Variants in METTL6 observed in about 807,000 individuals in gnomAD.
METTL6 encodes methyltransferase 6, tRNA N3-cytidine, also known as tRNA N(3)-cytidine methyltransferase METTL6.
In METTL6, 22 loss-of-function variants were observed where a neutral mutation model predicts 26.4. The observed-to-expected ratio is 0.83, with a 90% CI of 0.59 to 1.19. The LOEUF is 1.19. Among genes scored for constraint, METTL6 ranks in the 50% most tolerant of loss-of-function variants. The pLI is 0.00. For synonymous variants in METTL6, 109 were observed against 116.2 expected, an observed-to-expected ratio of 0.94 and a Z score of 0.40; for missense variants, 304 against 324.8, an observed-to-expected ratio of 0.94 and a Z score of 0.49.
In METTL6 at chr3:15,414,704, A is replaced by C. The variant is rs139387987; in HGVS notation, c.532-542T>G. 7.8e-3 allele frequency: 2,707 copies of C among 347,138 alleles called. 20 individuals carry two copies. Among genetic ancestry groups the C allele is most frequent in the Admixed American group, 0.012 (337 of 28,548 alleles). The allele number at this position is 347,138 out of a possible 1,614,324, so 21.5% of individuals were successfully genotyped here. A position where few individuals can be genotyped will look rare whatever the true frequency, so the allele number is the denominator to read the frequency against. On this transcript the variant is annotated intron_variant, in intron 4 of 5. Transcript: ENST00000383790. ...AGAGCACCCTGGAATGTCCAGTGTC[A>C]CAGGATTAAAATGTTAGAGACCAAC...
At chr3:15,384,201 A>G in intron 6 of METTL6, 1 of 367,044 alleles carries the variant, frequency 2.7e-6, no homozygotes, top group Non-Finnish European at 5.2e-6. Flanking sequence ...AAAAAGAAAC[A>G]AAAAAGAGAT....
At chr3:15,424,874 G>C in intron 3 of METTL6, 81 bp downstream of exon 3, 1 of 1,587,522 alleles carries the variant, frequency 6.3e-7, no homozygotes, top group South Asian at 1.1e-5. Flanking sequence ...ACTAGAATTG[G>C]GCAAATGAAT....
Position 15,415,726 on chromosome 3 carries a change from G to T in METTL6, c.531+46C>A, listed in dbSNP as rs375838239. 1.9e-5 allele frequency: 30 copies of T among 1,601,538 alleles called. No homozygotes were observed. In the African/African-American group the frequency reaches 3.9e-4, roughly 21 times the overall value. On this transcript the variant is annotated intron_variant, in intron 4 of 5. Coordinates refer to ENST00000383790, the MANE Select transcript of METTL6 (RefSeq NM_152396.4). Reference sequence around the variant, plus strand: ...GCCTCATGAGGGAAGGTAAGTAAAAGAATCCAGACTGTCCAACCCTCAAGT... The same window carrying T: ...GCCTCATGAGGGAAGGTAAGTAAAATAATCCAGACTGTCCAACCCTCAAGT...
intron 4 of METTL6, chr3:15,414,845 C>T: frequency 1.9e-6 from 1 of 537,296 alleles, no homozygotes; most frequent in Admixed American, 2.4e-5. Flanking sequence ...CTGCTTGAGC[C>T]CAGGAAGTTG....
intron 6 of METTL6, among the ~76,000 whole-genome samples, chr3:15,390,019 GA>G (rs1207625337): frequency 5.5e-5 from 8 of 146,414 alleles, no homozygotes; most frequent in South Asian, 2.2e-4. Flanking sequence ...CATCTCAAGG[GA>G]AAAAAAAAAG....
chr3:15,387,686 T>C (rs908608085), intron 6 of METTL6, among the ~76,000 whole-genome samples: 1 of 152,252 alleles, frequency 6.6e-6, no homozygotes, highest in East Asian at 1.9e-4. Flanking sequence ...TTATATAGCC[T>C]TATTTGAGAG....
Position 15,411,446 on chromosome 3 carries a change from C to G in METTL6, c.674-9G>C. 6.2e-7 allele frequency: 1 copy of G among 1,611,684 alleles called. No homozygotes were observed. Among genetic ancestry groups the G allele is most frequent in the Non-Finnish European group, 8.5e-7 (1 of 1,179,016 alleles). ...GAGCTGAGCCAGGAAGTCTGTAAGA[C>G]AAGCATCAACAATGCTCAACAGTCT... On this transcript the variant is annotated splice_polypyrimidine_tract_variant and intron_variant, in intron 5 of 5. Coordinates refer to ENST00000383790, the MANE Select transcript of METTL6 (RefSeq NM_152396.4).
chr3:15,419,555 A>C (rs1575431120), intron 3 of METTL6, among the ~76,000 whole-genome samples: 2 of 152,256 alleles, frequency 1.3e-5, no homozygotes, highest in Non-Finnish European at 1.5e-5. Context: ...TTTTTTGTCC[A>C]AAAGATTGGT....
chr3:15,385,679 A>G (rs1210220137), intron 6 of METTL6, among the ~76,000 whole-genome samples: 1 of 152,150 alleles, frequency 6.6e-6, no homozygotes, highest in East Asian at 1.9e-4. Flanking sequence ...GGTCAACATA[A>G]CAAGACCCTG....
rs2061723446 is a variant in METTL6, at chr3:15,426,349, T to C, written c.163A>G (p.Asn55Asp). 2 of 1,614,104 alleles carry C rather than the reference T, an allele frequency of 1.2e-6. No individual in the cohort carries two copies. Among genetic ancestry groups the C allele is most frequent in the Non-Finnish European group, 1.7e-6 (2 of 1,180,044 alleles). ...GTCCAGTGTCTGTCTTTGAAGAAATTAGTGCTATTTCTTTTGTAAAAAAGA... is the reference window on the plus strand; with the variant it reads ...GTCCAGTGTCTGTCTTTGAAGAAATCAGTGCTATTTCTTTTGTAAAAAAGA... ...WDLFYKRNST[N>D]FFKDRHWTTR... is the part of the protein sequence containing the mutation. The change falls in exon 2 of 6, where the codon AAT becomes GAT. Residue 55 changes from asparagine (N) to aspartate (D), a missense_variant. Physicochemically the swap from Asn to Asp is conservative, Grantham distance 23. Coordinates refer to ENST00000383790, the MANE Select transcript of METTL6 (RefSeq NM_152396.4).
Position 15,399,761 on chromosome 3 carries a change from T to C in METTL6, c.*11+11484A>G, listed in dbSNP as rs376498999. On this transcript the variant is annotated intron_variant, in intron 6 of 6. Transcript: ENST00000443029. ...TGAAAATATCCCCATCCAAGGTACC[T>C]CACCATGACATTCAGGGACCAGGGG... Among the ~76,000 whole-genome samples, 3 of 152,080 alleles carry C rather than the reference T, an allele frequency of 2.0e-5. No homozygotes were observed. The East Asian group carries it at 5.8e-4, about 29-fold the overall frequency.
chr3:15,393,946 G>T, intron 6 of METTL6, among the ~76,000 whole-genome samples: 1 of 151,800 alleles, frequency 6.6e-6, no homozygotes. Flanking sequence ...AGGGATATTG[G>T]TCTAAAATTC....
chr3:15,417,460 T>TAAATAAAC (rs774755491), intron 3 of METTL6, among the ~76,000 whole-genome samples: 18 of 142,398 alleles, frequency 1.3e-4, no homozygotes, highest in Non-Finnish European at 2.4e-4. Flanking sequence ...CAAAAATAAA[T>TAAATAAAC]AAATAAATAA....
At chr3:15,424,242 A>C (rs1055233283) in intron 3 of METTL6, among the ~76,000 whole-genome samples, 5 of 152,166 alleles carry the variant, frequency 3.3e-5, no homozygotes, top group African/African-American at 1.2e-4. Context: ...TTTGGAATGG[A>C]TGTTAATAAC....
At chr3:15,425,687 G>C (rs1335672583) in intron 2 of METTL6, among the ~76,000 whole-genome samples, 6 of 152,074 alleles carry the variant, frequency 3.9e-5, no homozygotes, top group Non-Finnish European at 8.8e-5. Flanking sequence ...TCAGCCTCTG[G>C]AGTAGCTGGC....
chr3:15,405,655 AC>A (rs1699764652), downstream of METTL6, among the ~76,000 whole-genome samples: 2 of 152,244 alleles, frequency 1.3e-5, no homozygotes, highest in Non-Finnish European at 1.5e-5. Context: ...CCGAGCCCTT[AC>A]AAGGACCCCA....
At chr3:15,415,359 G>C in intron 4 of METTL6, 1 of 751,162 alleles carries the variant, frequency 1.3e-6, no homozygotes, top group Non-Finnish European at 2.2e-6. Flanking sequence ...GTCTTGCTAT[G>C]TTGGCCAGGC....
chr3:15,412,541 G>A (rs191251738), intron 5 of METTL6, among the ~76,000 whole-genome samples: 1 of 152,248 alleles, frequency 6.6e-6, no homozygotes, highest in Admixed American at 6.5e-5. Flanking sequence ...CTGGAGGGCA[G>A]TGGTATGATC....
intron 3 of METTL6, among the ~76,000 whole-genome samples, chr3:15,417,675 T>C (rs80144574): frequency 0.099 from 14,991 of 151,968 alleles, 1,171 homozygotes; most frequent in African/African-American, 0.22. Flanking sequence ...TGATAAAAGA[T>C]AGACAAAGGT....
Sources: gnomAD v4.1 joint callset for allele counts (sites outside exome capture counted in the v4.1 genomes callset) on GRCh38, gnomAD v4.1.1 for gene constraint, MANE v1.5 for transcripts, NCBI Gene and HGNC (gene_info 2026-07-23, HGNC 2026-07-21) for gene names.